ATF7IP2: variants seen among roughly 807,000 people sequenced by gnomAD.
ATF7IP2 encodes the protein activating transcription factor 7-interacting protein 2.
In ATF7IP2, 42 loss-of-function variants were observed where a neutral mutation model predicts 64.2. The ratio of observed to expected loss-of-function variants is 0.65; its 90% confidence interval spans 0.51 to 0.85. ATF7IP2 has a LOEUF of 0.85. Ranked by LOEUF, ATF7IP2 falls within the 40% of genes least tolerant of loss-of-function variation. The pLI is 0.00. For missense variants in ATF7IP2, 933 were observed against 784.2 expected, an observed-to-expected ratio of 1.19 and a Z score of -2.27; for synonymous variants, 308 against 272.8, an observed-to-expected ratio of 1.13 and a Z score of -1.27.
At chr16:10,449,863 C>A (rs1417463313) in intron 8 of ATF7IP2, 1 of 152,064 alleles carries the variant, frequency 6.6e-6, no homozygotes, top group Non-Finnish European at 1.5e-5. Flanking sequence ...TTGTCTTCTG[C>A]TAGCTTTTGA....
chr16:10,473,651 C>A (rs972463220), intron 11 of ATF7IP2, 117 bp downstream of exon 11: 1 of 752,088 alleles, frequency 1.3e-6, no homozygotes. Flanking sequence ...CACTGAAAAG[C>A]AGACAGCTAA....
At chr16:10,400,478 TTCTC>T (rs2047506673) in intron 1 of ATF7IP2, among the ~76,000 whole-genome samples, 1 of 152,348 alleles carries the variant, frequency 6.6e-6, no homozygotes, top group South Asian at 2.1e-4. Flanking sequence ...TCCCTTTTCT[TTCTC>T]TCTCTTGCTT....
intron 1 of ATF7IP2, among the ~76,000 whole-genome samples, chr16:10,408,825 C>T (rs1422155402): frequency 2.6e-5 from 4 of 152,196 alleles, no homozygotes; most frequent in African/African-American, 9.7e-5. Flanking sequence ...TTTTTCTGTG[C>T]AGAAGCTCTT....
chr16:10,406,968 A>G (rs763025593), intron 1 of ATF7IP2, among the ~76,000 whole-genome samples: 1 of 152,242 alleles, frequency 6.6e-6, no homozygotes. Flanking sequence ...ATTACAGACC[A>G]ATATGAGTAT....
chr16:10,437,456 C>T (rs919741271), intron 6 of ATF7IP2, among the ~76,000 whole-genome samples: 1 of 152,160 alleles, frequency 6.6e-6, no homozygotes, highest in African/African-American at 2.4e-5. Flanking sequence ...ATATTTACTT[C>T]TTTCATATCA....
rs367723639 is a variant in ATF7IP2 at position 10,430,935 on chromosome 16, A to G, written c.315A>G (p.Ser105=). The G allele has an allele frequency of 2.9e-4, 471 of 1,613,986 alleles. 1 individual carries two copies. Among genetic ancestry groups the G allele is most frequent in the Non-Finnish European group, 1.3e-4 (155 of 1,180,054 alleles). ...AACCAGTAGAAGAAATTGTTCATTC[A>G]GAAACAAAATTGGAACAAGTTGTTT... The part of the protein sequence containing the change: ...CIKPVEEIVH[S]ETKLEQVVCS... The change falls in exon 5 of 14, where the codon TCA becomes TCG. Residue 105 remains serine, a synonymous_variant. Coordinates refer to ENST00000562102, the MANE Select transcript of ATF7IP2 (RefSeq NM_001393719.1).
chr16:10,433,151 G>A (rs890129304), intron 5 of ATF7IP2, among the ~76,000 whole-genome samples: 1 of 151,974 alleles, frequency 6.6e-6, no homozygotes, highest in African/African-American at 2.4e-5. Flanking sequence ...TGCTCAGAGG[G>A]TCTCTAAATT....
At chr16:10,449,716 C>G (rs1036988560) in intron 8 of ATF7IP2, 1 of 152,064 alleles carries the variant, frequency 6.6e-6, no homozygotes. Context: ...ATTAGTCAGG[C>G]TAGCGGTCTA....
At chr16:10,414,408 A>G in intron 1 of ATF7IP2, among the ~76,000 whole-genome samples, 166 bp from the exon 2 acceptor site, 1 of 151,908 alleles carries the variant, frequency 6.6e-6, no homozygotes, top group East Asian at 1.9e-4. Context: ...AAATGTGTCC[A>G]TTATTTCCTG....
chr16:10,404,355 C>T (rs1006729114), intron 1 of ATF7IP2, among the ~76,000 whole-genome samples: 2 of 152,134 alleles, frequency 1.3e-5, no homozygotes, highest in African/African-American at 2.4e-5. Flanking sequence ...CAGGTTCAAG[C>T]GATTCTCCTG....
At chr16:10,393,165 C>G (rs185316155) in intron 1 of ATF7IP2, among the ~76,000 whole-genome samples, 17 of 151,870 alleles carry the variant, frequency 1.1e-4, no homozygotes, top group Admixed American at 9.8e-4. Context: ...CAAGCATTAG[C>G]TGGGCATGGT....
chr16:10,432,151 C>T (rs1195054793), intron 5 of ATF7IP2, among the ~76,000 whole-genome samples: 2 of 151,914 alleles, frequency 1.3e-5, no homozygotes, highest in Non-Finnish European at 1.5e-5. Flanking sequence ...CTATTTCTTT[C>T]TATAGAATTG....
chr16:10,388,001 C>T (rs2047238096), intron 1 of ATF7IP2, among the ~76,000 whole-genome samples: 1 of 152,052 alleles, frequency 6.6e-6, no homozygotes, highest in South Asian at 2.1e-4. Context: ...CCTCCGGGTT[C>T]AAGTGATTCT....
chr16:10,472,091 TTTC>T lies in ATF7IP2; in HGVS notation c.1353-16_1353-14del. ...ATGCATGTTTAGTTTTTGTTTTTAA[TTTC>T]TTTTTATCATTTTAGTAACAATGAT... On this transcript the variant is annotated splice_polypyrimidine_tract_variant and intron_variant, in intron 9 of 13. Coordinates refer to ENST00000562102, the MANE Select transcript of ATF7IP2 (RefSeq NM_001393719.1). The T allele has an allele frequency of 7.0e-7, 1 of 1,435,162 alleles. No individual in the cohort carries two copies. The highest frequency in any genetic ancestry group is 9.6e-7 in the Non-Finnish European group (1 of 1,037,586). 88.9% of individuals were successfully genotyped at this position (1,435,162 alleles called of 1,614,324 possible).
chr16:10,406,537 AAGTT>A (rs1349315512), intron 1 of ATF7IP2, among the ~76,000 whole-genome samples: 3 of 152,228 alleles, frequency 2.0e-5, no homozygotes, highest in Admixed American at 6.5e-5. Context: ...ATGAAATGAA[AAGTT>A]AGTTTTTTTA....
chr16:10,446,478 A>G, intron 8 of ATF7IP2: 1 of 152,184 alleles, frequency 6.6e-6, no homozygotes, highest in East Asian at 1.9e-4. Context: ...GTGAAGGAGT[A>G]CAGGTCCTTG....
At chr16:10,451,652 C>T (rs750757474) in intron 8 of ATF7IP2, among the ~76,000 whole-genome samples, 7 of 151,788 alleles carry the variant, frequency 4.6e-5, no homozygotes, top group East Asian at 1.9e-4. Context: ...GTTCTCATAC[C>T]GTGTTTTTCA....
chr16:10,481,773 T>C (rs2050238845), intron 13 of ATF7IP2, 63 bp from the exon 14 acceptor site: 7 of 1,320,322 alleles, frequency 5.3e-6, no homozygotes, highest in African/African-American at 3.0e-5. Context: ...ATGAGAAATA[T>C]ATATTTCTAC....
chr16:10,453,071 C>G (rs1200961838), intron 8 of ATF7IP2, among the ~76,000 whole-genome samples: 1 of 152,178 alleles, frequency 6.6e-6, no homozygotes, highest in Non-Finnish European at 1.5e-5. Context: ...CTGGCTTCAG[C>G]CCCCTTTGCA....
Sources: gnomAD v4.1 joint callset for allele counts (sites outside exome capture counted in the v4.1 genomes callset) on GRCh38, gnomAD v4.1.1 for gene constraint, MANE v1.5 for transcripts, NCBI Gene and HGNC (gene_info 2026-07-23, HGNC 2026-07-21) for gene names.